MAN2B2: variants seen among roughly 807,000 people sequenced by gnomAD.
The protein encoded by MAN2B2 is mannosidase alpha class 2B member 2, also known as epididymis-specific alpha-mannosidase.
In MAN2B2, 106 loss-of-function variants were observed where a neutral mutation model predicts 117.1. The ratio of observed to expected loss-of-function variants is 0.90; its 90% confidence interval spans 0.77 to 1.06. The LOEUF is 1.06. MAN2B2 is among the 50% of genes least tolerant of loss of function. The pLI, the probability that MAN2B2 is intolerant of heterozygous loss-of-function variation, is 0.00. For synonymous variants in MAN2B2, 544 were observed against 595.1 expected, an observed-to-expected ratio of 0.91 and a Z score of 1.25; for missense variants, 1,326 against 1,381.4, an observed-to-expected ratio of 0.96 and a Z score of 0.64.
At chr4:6,598,474 T>G in intron 9 of MAN2B2, 120 bp downstream of exon 9, 1 of 1,102,504 alleles carries the variant, frequency 9.1e-7, no homozygotes, top group Non-Finnish European at 1.3e-6. Flanking sequence ...CATATCGCCC[T>G]TCCCCATGGT....
At chr4:6,580,477 C>A (rs1211351646) in intron 3 of MAN2B2, among the ~76,000 whole-genome samples, 2 of 152,244 alleles carry the variant, frequency 1.3e-5, no homozygotes, top group Non-Finnish European at 2.9e-5. Flanking sequence ...ATGTGTGACA[C>A]TGTAGGCGTG....
chr4:6,599,052 G>A lies in MAN2B2; in HGVS notation c.1405+698G>A, dbSNP rs112396461. On this transcript the variant is annotated intron_variant, in intron 9 of 18. Transcript: ENST00000285599. ...CATGAGACTTTTGTGTGCATAGGCC[G>A]CCAGGTCCCACCCACAGCCTGCACC... 3.9e-3 allele frequency among the ~76,000 whole-genome samples: 594 copies of A among 152,340 alleles called. 4 individuals carry two copies. Among genetic ancestry groups the A allele is most frequent in the African/African-American group, 0.013 (555 of 41,596 alleles).
rs1021533010 is a variant in MAN2B2 at position 6,611,248 on chromosome 4, A to G, written c.2533A>G (p.Arg845Gly). ...GAGGAGCGCACTGGCGCTGCAGCAC[A>G]GGCCCGTGGTGCTGTTCGGAGACCT... ...RQRSALALQHRPVVLFGDLAG... is the reference protein window; with the variant it reads ...RQRSALALQHGPVVLFGDLAG... Residue 845 changes from arginine to glycine, a missense_variant, in exon 15 of 19, where the codon AGG becomes GGG. Physicochemically the swap from Arg to Gly is moderately radical, Grantham distance 125 (BLOSUM62 -2). Transcript: ENST00000285599. 5 of 1,611,350 alleles carry G rather than the reference A, an allele frequency of 3.1e-6. No individual in the cohort carries two copies. In the Admixed American group the frequency reaches 8.4e-5, roughly 27 times the overall value.
Position 6,611,247 on chromosome 4 carries a change from C to G in MAN2B2, c.2532C>G (p.His844Gln), listed in dbSNP as rs781586041. The G allele has an allele frequency of 3.7e-6, 6 of 1,612,152 alleles. No individual in the cohort carries two copies. Among genetic ancestry groups the G allele is most frequent in the Non-Finnish European group, 8.5e-7 (1 of 1,179,344 alleles). ...LRQRSALALQ[H>Q]RPVVLFGDLA... ...AGAGGAGCGCACTGGCGCTGCAGCA[C>G]AGGCCCGTGGTGCTGTTCGGAGACC... The change falls in exon 15 of 19, where the codon CAC becomes CAG. Residue 844 changes from histidine (H) to glutamine (Q), a missense_variant. By Grantham distance (24) the His-to-Gln change is conservative. Transcript: ENST00000285599.
In MAN2B2 at chr4:6,605,182, C is replaced by G. The variant is rs1437057436; in HGVS notation, c.1667C>G (p.Ala556Gly). 44 of 1,614,224 alleles carry G rather than the reference C, an allele frequency of 2.7e-5. No homozygotes were observed. Among genetic ancestry groups the G allele is most frequent in the Non-Finnish European group, 3.5e-5 (41 of 1,180,038 alleles). The change falls in exon 11 of 19, where the codon GCT (alanine) becomes GGT (glycine). Residue 556 changes from alanine to glycine, a missense_variant. Ala to Gly is a moderately conservative substitution (Grantham distance 60). Coordinates refer to ENST00000285599, the MANE Select transcript of MAN2B2 (RefSeq NM_015274.3). ...AGAQEGTQEPAATVASTLQFG... is the reference protein window; with the variant it reads ...AGAQEGTQEPGATVASTLQFG... ...GCCCAAGAGGGCACCCAGGAGCCGG[C>G]TGCCACTGTGGCGAGCACCCTTCAA... is the stretch of plus-strand genomic sequence containing the variant.
At chr4:6,609,344 C>T in intron 12 of MAN2B2, 46 bp downstream of exon 12, 1 of 1,576,266 alleles carries the variant, frequency 6.3e-7, no homozygotes, top group Non-Finnish European at 8.7e-7. Context: ...ACAGTCAGCG[C>T]ACGCGTGCAG....
At chr4:6,595,581 G>A (rs1727047109) in intron 7 of MAN2B2, among the ~76,000 whole-genome samples, 1 of 152,224 alleles carries the variant, frequency 6.6e-6, no homozygotes, top group Non-Finnish European at 1.5e-5. Context: ...CAAGGGGGTT[G>A]AACTTGCTTT....
chr4:6,621,469 T>C lies in MAN2B2; in HGVS notation c.*184T>C, dbSNP rs1712169346. On this transcript the variant is annotated 3_prime_UTR_variant, in exon 19 of 19. Transcript: ENST00000285599. ...CTAATTTTTTTAAACAAAAATTACA[T>C]TACAAGATCCAGGTTCTTCCCCCCC... 3 of 566,862 alleles carry C rather than the reference T, an allele frequency of 5.3e-6. No individual in the cohort carries two copies. In the South Asian group the frequency reaches 6.8e-5, roughly 13 times the overall value. The allele number at this position is 566,862 out of a possible 1,614,324, so 35.1% of individuals were successfully genotyped here. A position where few individuals can be genotyped will look rare whatever the true frequency, so the allele number is the denominator to read the frequency against.
intron 3 of MAN2B2, among the ~76,000 whole-genome samples, chr4:6,579,361 T>TCACCATCACCACCAC (rs1726318721): frequency 2.6e-5 from 1 of 37,950 alleles, no homozygotes; most frequent in Non-Finnish European, 5.0e-5. Flanking sequence ...ACCACCACCA[T>TCACCATCACCACCAC]CACCATCACC....
At chr4:6,615,048 G>C (rs531883752) in intron 16 of MAN2B2, among the ~76,000 whole-genome samples, 45 of 152,330 alleles carry the variant, frequency 3.0e-4, no homozygotes, top group African/African-American at 1.0e-3. Flanking sequence ...GGGTCAGACT[G>C]TGCCTCAGCC....
chr4:6,616,174 T>C (rs903285124), intron 16 of MAN2B2, among the ~76,000 whole-genome samples: 2 of 152,128 alleles, frequency 1.3e-5, no homozygotes, highest in Admixed American at 6.5e-5. Context: ...CTTTGAGGCA[T>C]AGCTGCAGAG....
intron 11 of MAN2B2, among the ~76,000 whole-genome samples, chr4:6,607,031 A>C (rs76432315): frequency 6.6e-6 from 1 of 152,144 alleles, no homozygotes; most frequent in Admixed American, 6.5e-5. Flanking sequence ...CACCACAATC[A>C]ATTTTAGAAC....
chr4:6,590,076 T>TA (rs1008591984), intron 5 of MAN2B2, among the ~76,000 whole-genome samples: 64 of 127,852 alleles, frequency 5.0e-4, no homozygotes, highest in East Asian at 9.4e-4. Context: ...CTATTTAAAA[T>TA]AAAAAAAAAA....
In MAN2B2 at chr4:6,589,068, G is replaced by T. The variant is rs1726756218; in HGVS notation, c.588G>T (p.Gly196=). The T allele has an allele frequency of 1.9e-6, 3 of 1,613,988 alleles. No homozygotes were observed. Among genetic ancestry groups the T allele is most frequent in the African/African-American group, 2.7e-5 (2 of 74,910 alleles). ...AGGGGCTGCAGTTCGTGTGGCGAGG[G>T]TCCCCATCCCTCTCAGAGCGGCAGG... The part of the protein sequence containing the change: ...EARGLQFVWR[G]SPSLSERQEI... Residue 196 remains glycine, a synonymous_variant, in exon 5 of 19, where the codon GGG becomes GGT. Coordinates refer to ENST00000285599, the MANE Select transcript of MAN2B2 (RefSeq NM_015274.3).
rs770037935 is a variant in MAN2B2, at chr4:6,587,118, C to G, written c.514C>G (p.Leu172Val). ...TGCGCTGGCGGGCTTCAATGCCCACCTCGGCTCCCGGATCGACTACGACCT... is the reference window on the plus strand; with the variant it reads ...TGCGCTGGCGGGCTTCAATGCCCACGTCGGCTCCCGGATCGACTACGACCT... ...LFALAGFNAH[L>V]GSRIDYDLKA... The change falls in exon 4 of 19, where the codon CTC (leucine) becomes GTC (valine). Residue 172 changes from leucine to valine, a missense_variant. By Grantham distance (32) the Leu-to-Val change is conservative. Coordinates refer to ENST00000285599, the MANE Select transcript of MAN2B2 (RefSeq NM_015274.3). The G allele has an allele frequency of 1.1e-5, 18 of 1,613,780 alleles. No individual in the cohort carries two copies. Among genetic ancestry groups the G allele is most frequent in the Non-Finnish European group, 1.4e-5 (16 of 1,180,016 alleles).
intron 13 of MAN2B2, among the ~76,000 whole-genome samples, chr4:6,610,345 T>G (rs1727723612): frequency 6.6e-6 from 1 of 152,046 alleles, no homozygotes; most frequent in South Asian, 2.1e-4. Flanking sequence ...TTAGTAGAGA[T>G]GGGGTTTCAC....
chr4:6,600,600 C>T (rs755877019), intron 9 of MAN2B2, 23 bp from the exon 10 acceptor site: 8 of 1,612,092 alleles, frequency 5.0e-6, no homozygotes, highest in South Asian at 4.4e-5. Flanking sequence ...ATGGCACAAG[C>T]AAAGCCTCTT....
chr4:6,576,824 G>A, intron 2 of MAN2B2, 100 bp downstream of exon 2: 1 of 1,447,766 alleles, frequency 6.9e-7, no homozygotes, highest in Non-Finnish European at 9.5e-7. Flanking sequence ...GGGCCAGGCT[G>A]GCATAAACCA....
chr4:6,593,195 G>A lies in MAN2B2; in HGVS notation c.703G>A (p.Val235Met), dbSNP rs765716293. The change falls in exon 6 of 19, where the codon GTG becomes ATG. Residue 235 changes from valine (V) to methionine (M), a missense_variant. Val to Met is a conservative substitution (Grantham distance 21). Coordinates refer to ENST00000285599, the MANE Select transcript of MAN2B2 (RefSeq NM_015274.3). ...CAGGTCAGGATTTTACTGGAATGGC[G>A]TGGCTGTCTTCCCCAAGCCTCCCCA... ...SNRSGFYWNG[V>M]AVFPKPPQDG... 30 of 1,613,770 alleles carry A rather than the reference G, an allele frequency of 1.9e-5. No individual in the cohort carries two copies. The highest frequency in any genetic ancestry group is 5.0e-5 in the Admixed American group (3 of 59,978).
Sources: gnomAD v4.1 joint callset for allele counts (sites outside exome capture counted in the v4.1 genomes callset) on GRCh38, gnomAD v4.1.1 for gene constraint, MANE v1.5 for transcripts, NCBI Gene and HGNC (gene_info 2026-07-23, HGNC 2026-07-21) for gene names.